The following ZNF398 variants were observed in gnomAD, a reference collection of about 807,000 sequenced individuals.
ZNF398 encodes the protein zinc finger DNA binding protein ZER6.
Under a neutral mutation model 41.9 loss-of-function variants are expected in ZNF398, and 18 were observed. The observed-to-expected ratio is 0.43, with a 90% CI of 0.30 to 0.64. ZNF398 has a LOEUF of 0.64. Among genes scored for constraint, ZNF398 ranks in the 30% least tolerant of loss-of-function variants. The probability of loss-of-function intolerance (pLI) is 0.14; values close to 1 mark genes in which losing one functional copy is unlikely to be tolerated. For synonymous variants in ZNF398, 260 were observed against 308.8 expected (o/e 0.84, Z 1.66); for missense variants, 669 against 822.8 (o/e 0.81, Z 2.29).
intron 4 of ZNF398, among the ~76,000 whole-genome samples, chr7:149,169,130 G>A (rs1795280521): frequency 1.3e-5 from 2 of 152,164 alleles, no homozygotes; most frequent in African/African-American, 4.8e-5. Context: ...TTGTGATAAC[G>A]TATCAAAGTT....
rs374710507 is a variant in ZNF398 at position 149,147,763 on chromosome 7, C to T, written c.21C>T (p.Ala7=). The T allele has an allele frequency of 6.5e-6, 9 of 1,390,236 alleles. No homozygotes were observed. The highest frequency in any genetic ancestry group is 8.4e-6 in the Non-Finnish European group (9 of 1,070,772). 86.1% of individuals were successfully genotyped at this position (1,390,236 alleles called of 1,614,324 possible). A position where few individuals can be genotyped will look rare whatever the true frequency, so the allele number is the denominator to read the frequency against. ...GGGCCATGGCTGAGGCGGCCCCGGC[C>T]CCGGTAAGGGCGGCCGCGCGCGAGT... The part of the protein sequence containing the change: MAEAAP[A]PTSEWDSECL... The change falls in exon 1 of 6, where the codon GCC becomes GCT. Residue 7 remains alanine, a synonymous_variant. Coordinates refer to ENST00000475153, the MANE Select transcript of ZNF398 (RefSeq NM_170686.3). This position sits in a 1 kb window ranked among gnomAD's most constrained non-coding sequence, Gnocchi z 5.6.
intron 2 of ZNF398, among the ~76,000 whole-genome samples, chr7:149,137,253 G>T (rs894721149): frequency 6.6e-6 from 1 of 152,118 alleles, no homozygotes; most frequent in Non-Finnish European, 1.5e-5. Flanking sequence ...ATTGATCCAT[G>T]TGTCTATCCC....
exon 1 of ZNF398, chr7:149,126,454 G>C: frequency 3.1e-6 from 2 of 643,084 alleles, no homozygotes; most frequent in Non-Finnish European, 5.0e-6. Flanking sequence ...CCTCCGTGCG[G>C]GCCGCAGCAC....
upstream of ZNF398, among the ~76,000 whole-genome samples, chr7:149,142,527 C>T (rs1287636665): frequency 2.6e-5 from 4 of 152,128 alleles, no homozygotes; most frequent in African/African-American, 4.8e-5. Context: ...ATTAGCCGGG[C>T]GTGGTGGCAG....
chr7:149,176,393 C>T, intron 4 of ZNF398, 75 bp from the exon 5 acceptor site: 2 of 1,024,148 alleles, frequency 2.0e-6, no homozygotes, highest in Non-Finnish European at 3.1e-6. Flanking sequence ...ATATAGTGTT[C>T]AGCAAACCAA....
chr7:149,151,015 A>G (rs1827097272), intron 1 of ZNF398, among the ~76,000 whole-genome samples: 1 of 152,170 alleles, frequency 6.6e-6, no homozygotes, highest in South Asian at 2.1e-4. Context: ...TGGCCCCTCC[A>G]GCTGATTCTT....
At position 149,159,837 on chromosome 7, in the gene ZNF398, C is replaced by T. The variant is rs368051525; in HGVS notation, c.420+5497C>T. On this transcript the variant is annotated intron_variant, in intron 2 of 5. Transcript: ENST00000475153. ...CCACCTCCCAGGCTCAAGCGATTCTCGTGTCTCAGTCCCGAGTAGCTGGGA... is the reference window on the plus strand; with the variant it reads ...CCACCTCCCAGGCTCAAGCGATTCTTGTGTCTCAGTCCCGAGTAGCTGGGA... Among the ~76,000 whole-genome samples the T allele has an allele frequency of 1.8e-4, 28 of 152,006 alleles. No individual in the cohort carries two copies. In the South Asian group the frequency reaches 3.3e-3, roughly 18 times the overall value.
At chr7:149,168,235 G>A (rs1795263316) in intron 4 of ZNF398, among the ~76,000 whole-genome samples, 1 of 151,890 alleles carries the variant, frequency 6.6e-6, no homozygotes, top group African/African-American at 2.4e-5. Context: ...CCACCACCAC[G>A]CCTGGCTAAT....
intron 1 of ZNF398, among the ~76,000 whole-genome samples, chr7:149,149,533 G>A (rs1451727076): frequency 1.3e-5 from 2 of 152,032 alleles, no homozygotes; most frequent in East Asian, 3.9e-4. Context: ...CCGGCCTCAT[G>A]TAATCGATTT....
chr7:149,129,217 G>A (rs6464940), intron 2 of ZNF398, among the ~76,000 whole-genome samples: 4 of 151,744 alleles, frequency 2.6e-5, no homozygotes, highest in Non-Finnish European at 4.4e-5. Flanking sequence ...GAAACTAAGC[G>A]GTTATATAGG....
chr7:149,169,926 G>A (rs1055968061), intron 4 of ZNF398, among the ~76,000 whole-genome samples: 1 of 152,140 alleles, frequency 6.6e-6, no homozygotes, highest in African/African-American at 2.4e-5. Context: ...AAAGGTACCT[G>A]GGACAAAGTC....
rs572225051 is a variant in ZNF398, at chr7:149,171,168, A to G, written c.661+4238A>G. 6.5e-4 allele frequency among the ~76,000 whole-genome samples: 98 copies of G among 151,412 alleles called. 1 individual carries two copies. Among genetic ancestry groups the G allele is most frequent in the Non-Finnish European group, 1.2e-3 (80 of 67,876 alleles). On this transcript the variant is annotated intron_variant, in intron 4 of 5. Coordinates refer to ENST00000475153, the MANE Select transcript of ZNF398 (RefSeq NM_170686.3). ...TGGCCAAGAAATTTTTTCTTTAACC[A>G]TAAATTAACCTTAGCTTACTGTATT...
intron 2 of ZNF398, among the ~76,000 whole-genome samples, chr7:149,131,417 GTGGCTCACACC>G (rs1463406989): frequency 6.6e-6 from 1 of 152,170 alleles, no homozygotes; most frequent in Non-Finnish European, 1.5e-5. Context: ...GCTGGGTGTG[GTGGCTCACACC>G]TGTAATCCCA....
intron 4 of ZNF398, among the ~76,000 whole-genome samples, chr7:149,168,076 ATTAT>A (rs943827930): frequency 1.3e-5 from 2 of 151,798 alleles, no homozygotes; most frequent in African/African-American, 4.8e-5. Flanking sequence ...CCATCCGTCT[ATTAT>A]TTATTTATTT....
intron 2 of ZNF398, among the ~76,000 whole-genome samples, chr7:149,162,931 G>A (rs1017730528): frequency 1.3e-5 from 2 of 151,884 alleles, no homozygotes; most frequent in African/African-American, 4.8e-5. Flanking sequence ...AGCTGAGATC[G>A]TGCCATTGCA....
At chr7:149,155,364 G>A (rs891037852) in intron 2 of ZNF398, among the ~76,000 whole-genome samples, 1 of 152,054 alleles carries the variant, frequency 6.6e-6, no homozygotes, top group African/African-American at 2.4e-5. Flanking sequence ...AGGTTGCAGT[G>A]AGCTGAGATT....
chr7:149,132,646 A>C (rs1269232778), intron 2 of ZNF398, among the ~76,000 whole-genome samples: 1 of 152,176 alleles, frequency 6.6e-6, no homozygotes, highest in Non-Finnish European at 1.5e-5. Context: ...TGGGACGTCT[A>C]CATAGCATGA....
intron 2 of ZNF398, among the ~76,000 whole-genome samples, chr7:149,156,417 G>C (rs541561750): frequency 9.0e-5 from 13 of 144,162 alleles, no homozygotes; most frequent in African/African-American, 3.3e-4. Context: ...TGAGGCAGGA[G>C]AATCGCTTGA....
chr7:149,169,768 T>TA (rs952798350), intron 4 of ZNF398, among the ~76,000 whole-genome samples: 6 of 151,292 alleles, frequency 4.0e-5, no homozygotes, highest in African/African-American at 4.9e-5. Flanking sequence ...CTTGTTTTCT[T>TA]AAAAAAAAAT....
Sources: allele counts gnomAD v4.1 joint callset (sites outside exome capture counted in the v4.1 genomes callset), GRCh38; gene constraint gnomAD v4.1.1; non-coding constraint Gnocchi (gnomAD v3.1); transcripts MANE v1.5; gene names NCBI Gene and HGNC (gene_info 2026-07-23, HGNC 2026-07-21).